NOP14: variants seen among roughly 807,000 people sequenced by gnomAD.
NOP14 encodes the protein nucleolar protein 14.
In NOP14, 57 loss-of-function variants were observed where a neutral mutation model predicts 101.6. The observed-to-expected ratio is 0.56, with a 90% CI of 0.45 to 0.70. NOP14 has a LOEUF of 0.70. NOP14 is among the 30% of genes least tolerant of loss of function. The pLI is 0.00. For synonymous variants in NOP14, 428 were observed against 424.0 expected (o/e 1.01, Z -0.12); for missense variants, 1,134 against 1,075.5 (o/e 1.05, Z -0.76).
chr4:2,950,930 TAA>T, intron 7 of NOP14, 182 bp downstream of exon 7: 1 of 563,774 alleles, frequency 1.8e-6, no homozygotes, highest in Non-Finnish European at 3.1e-6. Context: ...ATACTATTGT[TAA>T]AGTCTTCTCT....
At chr4:2,956,444 C>T (rs1401442378) in intron 3 of NOP14, among the ~76,000 whole-genome samples, 1 of 151,438 alleles carries the variant, frequency 6.6e-6, no homozygotes, top group Non-Finnish European at 1.5e-5. Flanking sequence ...GCTTTCTTGG[C>T]CCATAAAAGC....
intron 17 of NOP14, 73 bp downstream of exon 17, chr4:2,939,115 G>T: frequency 6.3e-7 from 1 of 1,591,584 alleles, no homozygotes; most frequent in Non-Finnish European, 8.6e-7. Flanking sequence ...GGTGCCCGGT[G>T]CTCTGCCCAG....
At chr4:2,956,282 C>A (rs1227755420) in intron 3 of NOP14, among the ~76,000 whole-genome samples, 1 of 152,154 alleles carries the variant, frequency 6.6e-6, no homozygotes, top group African/African-American at 2.4e-5. Context: ...GTAGGGGGAG[C>A]AAAGTAGTGC....
At chr4:2,946,619 C>T in intron 10 of NOP14, 72 bp from the exon 11 acceptor site, 1 of 1,434,074 alleles carries the variant, frequency 7.0e-7, no homozygotes, top group South Asian at 1.2e-5. Context: ...CTGCAAGCCA[C>T]TTTCCTATGC....
intron 15 of NOP14, chr4:2,940,592 ATAGC>A (rs1714086555): frequency 6.6e-6 from 1 of 152,248 alleles, no homozygotes; most frequent in African/African-American, 2.4e-5. Flanking sequence ...GGAGTCTGTG[ATAGC>A]TAGCTTATCT....
At chr4:2,952,928 G>A (rs775330079) in intron 5 of NOP14, among the ~76,000 whole-genome samples, 1 of 152,240 alleles carries the variant, frequency 6.6e-6, no homozygotes, top group African/African-American at 2.4e-5. Flanking sequence ...GTGACAGAGC[G>A]AGACTCCGTC....
Position 2,953,578 on chromosome 4 carries a change from T to G in NOP14, c.680A>C (p.Glu227Ala). 1 of 1,614,244 alleles carries G rather than the reference T, an allele frequency of 6.2e-7. No homozygotes were observed. Among genetic ancestry groups the G allele is most frequent in the Non-Finnish European group, 8.5e-7 (1 of 1,180,048 alleles). ...TTTGTGGGACAGGAGAGTCTGAATT[T>G]CTTTCCAGTCTTGGTCTAGCTTCTC... Reference protein sequence around the residue: ...LTEKLDQDWKEIQTLLSHKTP... With the variant: ...LTEKLDQDWKAIQTLLSHKTP... Residue 227 changes from glutamate to alanine, a missense_variant, in exon 5 of 18, where the codon GAA becomes GCA. Coordinates refer to ENST00000416614, the MANE Select transcript of NOP14 (RefSeq NM_001291978.2).
At chr4:2,959,460 G>T (rs929543612) in intron 1 of NOP14, among the ~76,000 whole-genome samples, 16 of 152,150 alleles carry the variant, frequency 1.1e-4, no homozygotes, top group Non-Finnish European at 2.4e-4. Flanking sequence ...GGGTGTGGTG[G>T]CGGGCGCCTG....
intron 17 of NOP14, 63 bp downstream of exon 17, chr4:2,939,125 G>A (rs1305414620): frequency 6.2e-7 from 1 of 1,602,304 alleles, no homozygotes; most frequent in African/African-American, 1.3e-5. Flanking sequence ...GCTCTGCCCA[G>A]GGCCACACAG....
intron 6 of NOP14, 99 bp from the exon 7 acceptor site, chr4:2,951,344 C>T: frequency 9.5e-7 from 1 of 1,058,132 alleles, no homozygotes; most frequent in East Asian, 2.4e-5. Flanking sequence ...GGCCTACGGT[C>T]CTCCCAGCTC....
intron 4 of NOP14, 86 bp from the exon 5 acceptor site, chr4:2,953,731 A>G: frequency 6.7e-7 from 1 of 1,487,348 alleles, no homozygotes; most frequent in East Asian, 2.3e-5. Flanking sequence ...AAGGACACAC[A>G]CAGTGATCAC....
intron 1 of NOP14, among the ~76,000 whole-genome samples, chr4:2,960,062 C>T (rs937316208): frequency 5.9e-5 from 9 of 151,888 alleles, no homozygotes; most frequent in African/African-American, 1.2e-4. Context: ...CTCCACCTGC[C>T]GGGTTCAAGC....
In NOP14 at chr4:2,938,105, C is replaced by T. The variant is rs1001510917; in HGVS notation, c.*726G>A. ...TGATAACACACAGACCATTCCCGAT[C>T]CCAGAGGTGCATTTCAGGATTCATT... On this transcript the variant is annotated 3_prime_UTR_variant, in exon 18 of 18. Coordinates refer to ENST00000416614, the MANE Select transcript of NOP14 (RefSeq NM_001291978.2). 1.9e-5 allele frequency: 19 copies of T among 985,568 alleles called. No homozygotes were observed. The highest frequency in any genetic ancestry group is 2.6e-5 in the Non-Finnish European group (19 of 729,806). 61.1% of individuals were successfully genotyped at this position (985,568 alleles called of 1,614,324 possible). A position where few individuals can be genotyped will look rare whatever the true frequency, so the allele number is the denominator to read the frequency against.
chr4:2,948,883 A>G (rs1174803896), intron 8 of NOP14, among the ~76,000 whole-genome samples: 3 of 152,266 alleles, frequency 2.0e-5, no homozygotes, highest in Admixed American at 6.5e-5. Context: ...GAGGGGTCTC[A>G]GCCATCCTGA....
At chr4:2,958,452 C>G (rs78876416) in intron 1 of NOP14, among the ~76,000 whole-genome samples, 1 of 152,178 alleles carries the variant, frequency 6.6e-6, no homozygotes, top group Non-Finnish European at 1.5e-5. Context: ...TTTCTTGCTG[C>G]GGAACTTCTT....
chr4:2,963,068 G>C, intron 1 of NOP14, 57 bp downstream of exon 1: 1 of 1,445,050 alleles, frequency 6.9e-7, no homozygotes, highest in Non-Finnish European at 9.1e-7. Flanking sequence ...GCAGCCGGCC[G>C]AGAGCAGCGT....
chr4:2,938,855 C>A lies in NOP14; in HGVS notation c.2550G>T (p.Leu850=), dbSNP rs747078989. The A allele has an allele frequency of 1.5e-5, 24 of 1,613,922 alleles. No homozygotes were observed. In the Admixed American group the frequency reaches 4.0e-4, roughly 27 times the overall value. The change falls in exon 18 of 18, where the codon CTG becomes CTT. Residue 850 remains leucine, a synonymous_variant. Coordinates refer to ENST00000416614, the MANE Select transcript of NOP14 (RefSeq NM_001291978.2). ...TTTATTTTTTGAACTTTTTCCTCTTCAGAGCCTTCCATTCGCCTTCCTGTG... is the reference window on the plus strand; with the variant it reads ...TTTATTTTTTGAACTTTTTCCTCTTAAGAGCCTTCCATTCGCCTTCCTGTG... ...LATQEGEWKA[L]KRKKFKK
intron 1 of NOP14, among the ~76,000 whole-genome samples, chr4:2,959,549 T>C (rs533057816): frequency 1.1e-4 from 16 of 151,906 alleles, no homozygotes; most frequent in Non-Finnish European, 2.1e-4. Flanking sequence ...GCTGAGATTG[T>C]GCCACTGCAC....
At chr4:2,941,805 G>A in intron 14 of NOP14, 76 bp from the exon 15 acceptor site, 1 of 1,497,718 alleles carries the variant, frequency 6.7e-7, no homozygotes, top group Non-Finnish European at 9.1e-7. Context: ...TGGCAAAAAT[G>A]AACTTCCCCA....
Sources: allele counts gnomAD v4.1 joint callset (sites outside exome capture counted in the v4.1 genomes callset), GRCh38; gene constraint gnomAD v4.1.1; transcripts MANE v1.5; gene names NCBI Gene and HGNC (gene_info 2026-07-23, HGNC 2026-07-21).